SULF1: variants seen among roughly 807,000 people sequenced by gnomAD.
SULF1 encodes extracellular sulfatase Sulf-1.
A neutral mutation model predicts 110.5 loss-of-function variants in SULF1; 46 were observed. The ratio of observed to expected loss-of-function variants is 0.42; its 90% CI spans 0.33 to 0.53. The LOEUF (loss-of-function observed/expected upper bound fraction) is 0.53. Among genes scored for constraint, SULF1 ranks in the 20% least tolerant of loss-of-function variants. SULF1 has a pLI of 0.12. For missense variants in SULF1, 941 were observed against 1,094.2 expected (o/e 0.86, Z 1.98); for synonymous variants, 371 against 387.1 (o/e 0.96, Z 0.49).
chr8:69,545,121 G>A (rs1244603895), intron 3 of SULF1, among the ~76,000 whole-genome samples: 1 of 145,414 alleles, frequency 6.9e-6, no homozygotes, highest in Non-Finnish European at 1.5e-5. Flanking sequence ...GCTCATGAGA[G>A]ATTCCTAATA....
At chr8:69,537,390 C>A (rs1263133823) in intron 3 of SULF1, among the ~76,000 whole-genome samples, 1 of 152,152 alleles carries the variant, frequency 6.6e-6, no homozygotes, top group Non-Finnish European at 1.5e-5. Context: ...TAACCTCAAC[C>A]TTGTCTTCTA....
At chr8:69,640,184 A>G (rs5023537) in intron 21 of SULF1, among the ~76,000 whole-genome samples, 79,219 of 148,428 alleles carry the variant, frequency 0.53, 21,805 homozygotes, top group Middle Eastern at 0.61. Flanking sequence ...AGAAAGAGAA[A>G]AGAAAGAAAG....
upstream of SULF1, among the ~76,000 whole-genome samples, chr8:69,488,569 G>A (rs1472662380): frequency 6.6e-6 from 1 of 151,678 alleles, no homozygotes; most frequent in Non-Finnish European, 1.5e-5. Flanking sequence ...CAACGGATGG[G>A]CTGTTTGGCA....
intron 13 of SULF1, among the ~76,000 whole-genome samples, chr8:69,609,725 C>T (rs1032606485): frequency 6.6e-6 from 1 of 152,184 alleles, no homozygotes; most frequent in East Asian, 1.9e-4. Context: ...ATGGCAATCA[C>T]CACTCACGGT....
intron 19 of SULF1, among the ~76,000 whole-genome samples, chr8:69,632,895 G>A (rs1184646880): frequency 6.6e-6 from 1 of 151,858 alleles, no homozygotes; most frequent in Non-Finnish European, 1.5e-5. Flanking sequence ...GCTTGGTGGT[G>A]CCCGCCTGTA....
In SULF1 at chr8:69,659,221, AGCAT is replaced by A. The variant is rs1224652955; in HGVS notation, c.*687_*690del. 2.2e-6 allele frequency: 1 copy of A among 456,698 alleles called. No individual in the cohort carries two copies. The highest frequency in any genetic ancestry group is 6.9e-5 in the East Asian group (1 of 14,394). 28.3% of individuals were successfully genotyped at this position (456,698 alleles called of 1,614,324 possible). Reference sequence around the variant, plus strand: ...CACCGCAGAACACCGAAGTAATTCCAGCATAGCGGGGAAGATGTTGACCAAGGTG... The same window carrying A: ...CACCGCAGAACACCGAAGTAATTCCAAGCGGGGAAGATGTTGACCAAGGTG... On this transcript the variant is annotated 3_prime_UTR_variant, in exon 23 of 23. Transcript: ENST00000402687.
intron 13 of SULF1, among the ~76,000 whole-genome samples, chr8:69,611,875 CG>C (rs1808685552): frequency 6.6e-6 from 1 of 151,886 alleles, no homozygotes; most frequent in African/African-American, 2.4e-5. Flanking sequence ...CAATAGTTTT[CG>C]GGATACAAGT....
At chr8:69,478,952 G>T (rs1199899084) in intron 1 of SULF1, among the ~76,000 whole-genome samples, 2 of 152,108 alleles carry the variant, frequency 1.3e-5, no homozygotes, top group Non-Finnish European at 2.9e-5. Context: ...AGAATTTTAG[G>T]AAACTAATCA....
At position 69,648,139 on chromosome 8, in the gene SULF1, GA is replaced by G. The variant is rs112144677; in HGVS notation, c.2585+7312del. Among the ~76,000 whole-genome samples, 246 of 117,696 alleles carry G rather than the reference GA, an allele frequency of 2.1e-3. 4 individuals are homozygous for G. In the East Asian group the frequency reaches 0.042, roughly 20 times the overall value. 77.2% of individuals were successfully genotyped at this position (117,696 alleles called of 152,430 possible). A position where few individuals can be genotyped will look rare whatever the true frequency, so the allele number is the denominator to read the frequency against. ...AAATATTGGAAACCCTGTGCCTTCA[GA>G]AAAAAAAAAAAAACAAAGAGCTCAG... On this transcript the variant is annotated intron_variant, in intron 22 of 22. Coordinates refer to ENST00000402687, the MANE Select transcript of SULF1 (RefSeq NM_001128205.2).
At chr8:69,511,251 T>C (rs560288785) in intron 3 of SULF1, among the ~76,000 whole-genome samples, 5 of 152,322 alleles carry the variant, frequency 3.3e-5, no homozygotes, top group African/African-American at 1.2e-4. Context: ...TTTAAACCAG[T>C]TTTTAATTTT....
intron 10 of SULF1, among the ~76,000 whole-genome samples, chr8:69,602,612 G>A (rs1172870070): frequency 6.6e-6 from 1 of 152,154 alleles, no homozygotes; most frequent in Non-Finnish European, 1.5e-5. Context: ...GAGCCCAGAT[G>A]TTCTGAATCT....
At chr8:69,563,515 T>C (rs1563534004) in intron 3 of SULF1, 24 bp from the exon 4 acceptor site, 4 of 156,656 alleles carry the variant, frequency 2.6e-5, no homozygotes, top group African/African-American at 7.2e-5. Flanking sequence ...ATATTTCCTT[T>C]GTATTTTTTT....
At chr8:69,572,977 G>A (rs1805344821) in intron 5 of SULF1, among the ~76,000 whole-genome samples, 1 of 152,178 alleles carries the variant, frequency 6.6e-6, no homozygotes, top group African/African-American at 2.4e-5. Flanking sequence ...ACAGGCGCAT[G>A]CCATCATGCT....
chr8:69,545,176 T>TAAGTA (rs10635098), intron 3 of SULF1, among the ~76,000 whole-genome samples: 88,298 of 150,684 alleles, frequency 0.59, 25,896 homozygotes, highest in East Asian at 0.66. Flanking sequence ...AAATATTAGT[T>TAAGTA]GAGTTTGGAG....
chr8:69,484,170 CG>C (rs1246954344), intron 1 of SULF1, among the ~76,000 whole-genome samples: 6 of 152,110 alleles, frequency 3.9e-5, no homozygotes, highest in Non-Finnish European at 8.8e-5. Context: ...GACTTTTTAA[CG>C]AATGTCTTTT....
chr8:69,500,196 T>G (rs1358504050), intron 2 of SULF1, among the ~76,000 whole-genome samples: 1 of 152,208 alleles, frequency 6.6e-6, no homozygotes, highest in Non-Finnish European at 1.5e-5. Flanking sequence ...AAAAAATCAG[T>G]CCAAGTAATA....
At chr8:69,566,225 A>C (rs1435260185) in intron 5 of SULF1, among the ~76,000 whole-genome samples, 1 of 152,166 alleles carries the variant, frequency 6.6e-6, no homozygotes, top group Non-Finnish European at 1.5e-5. Context: ...CTTGAAATGG[A>C]CCCATAAGGC....
chr8:69,640,924 T>C lies in SULF1; in HGVS notation c.2585+83T>C. On this transcript the variant is annotated intron_variant, in intron 22 of 22. Transcript: ENST00000402687. ...GTGGTTTCAACTAATTTCTGTTTCTTACCGTGTTGCACAGAGCAAAGCTGG... is the reference window on the plus strand; with the variant it reads ...GTGGTTTCAACTAATTTCTGTTTCTCACCGTGTTGCACAGAGCAAAGCTGG... 6 of 1,405,314 alleles carry C rather than the reference T, an allele frequency of 4.3e-6. No individual in the cohort carries two copies. The South Asian group carries it at 6.4e-5, about 15-fold the overall frequency. 87.1% of individuals were successfully genotyped at this position (1,405,314 alleles called of 1,614,324 possible).
chr8:69,618,111 C>A (rs531232205), intron 13 of SULF1, among the ~76,000 whole-genome samples: 207 of 152,288 alleles, frequency 1.4e-3, no homozygotes, highest in African/African-American at 4.7e-3. Context: ...CTCTGTCCAG[C>A]CAAATTTGAG....
Sources: gnomAD v4.1 joint callset for allele counts (sites outside exome capture counted in the v4.1 genomes callset) on GRCh38, gnomAD v4.1.1 for gene constraint, MANE v1.5 for transcripts, NCBI Gene and HGNC (gene_info 2026-07-23, HGNC 2026-07-21) for gene names.